The following TBX22 variants were observed in gnomAD, a reference collection of about 807,000 sequenced individuals.
TBX22 encodes the protein T-box transcription factor TBX22.
In TBX22, 8 loss-of-function variants were observed where a neutral mutation model predicts 30.1. The observed-to-expected ratio is 0.27, with a 90% CI of 0.16 to 0.48. The LOEUF is 0.48. Among genes scored for constraint, TBX22 ranks in the 20% least tolerant of loss-of-function variants. TBX22 has a pLI of 0.99. For missense variants in TBX22, 463 were observed against 400.5 expected (o/e 1.16, Z -1.33); for synonymous variants, 173 against 149.1 (o/e 1.16, Z -1.17).
At chrX:80,027,361 G>A (rs779335917) in intron 7 of TBX22, 41 bp downstream of exon 7, 1 of 654,728 alleles carries the variant, frequency 1.5e-6, no homozygotes, top group East Asian at 3.4e-5. Context: ...GATGTAGCTA[G>A]CTATTTTCAC....
chrX:80,028,753 T>TA (rs1331187197), intron 8 of TBX22, among the ~76,000 whole-genome samples: 1 of 111,906 alleles, frequency 8.9e-6, no homozygotes, highest in Non-Finnish European at 1.9e-5. Context: ...GGATTTTTTT[T>TA]ATCCCTTTGT....
chrX:80,024,258 T>G, intron 4 of TBX22, 94 bp downstream of exon 4: 3 of 749,600 alleles, frequency 4.0e-6, no homozygotes, highest in East Asian at 7.2e-5. Context: ...CTTTGAAAAC[T>G]CTAGCATGGG....
intron 1 of TBX22, among the ~76,000 whole-genome samples, chrX:80,019,387 C>T (rs1923583341): frequency 9.0e-6 from 1 of 111,222 alleles, no homozygotes; most frequent in African/African-American, 3.3e-5. Flanking sequence ...ATATCTTAAT[C>T]ATGGGGAGTG....
Position 80,030,864 on chromosome X carries a change from C to T in TBX22, c.1316C>T (p.Ser439Phe). The change falls in exon 9 of 9, where the codon TCT (serine) becomes TTT (phenylalanine). Residue 439 changes from serine (S) to phenylalanine (F), a missense_variant. Physicochemically the swap from Ser to Phe is radical, Grantham distance 155. Transcript: ENST00000373296. ...SSDQYLQAPN[S>F]TNQMLYGLQS... Reference sequence around the variant, plus strand: ...GATCAGTATCTACAAGCACCTAATTCTACCAATCAAATGTTATATGGATTA... The same window carrying T: ...GATCAGTATCTACAAGCACCTAATTTTACCAATCAAATGTTATATGGATTA... 3 of 1,211,964 alleles carry T rather than the reference C, an allele frequency of 2.5e-6. No homozygotes were observed. The highest frequency in any genetic ancestry group is 3.4e-6 in the Non-Finnish European group (3 of 895,477).
chrX:80,030,894 C>A lies in TBX22; in HGVS notation c.1346C>A (p.Ser449Ter). The change falls in exon 9 of 9, where the codon TCA becomes TAA. Residue 449 changes from serine to a stop codon, truncating the protein, a stop_gained. Transcript: ENST00000373296. LOFTEE classifies it high-confidence loss of function. ...STNQMLYGLQ[S>*]PGNIFLPNSI... ...AATCAAATGTTATATGGATTACAGTCACCTGGAAATATTTTTCTGCCAAAC... is the reference window on the plus strand; with the variant it reads ...AATCAAATGTTATATGGATTACAGTAACCTGGAAATATTTTTCTGCCAAAC... 1 of 1,211,655 alleles carries A rather than the reference C, an allele frequency of 8.3e-7. No homozygotes were observed. Among genetic ancestry groups the A allele is most frequent in the Non-Finnish European group, 1.1e-6 (1 of 895,215 alleles).
intron 4 of TBX22, among the ~76,000 whole-genome samples, chrX:80,025,020 G>A (rs1923905823): frequency 8.9e-6 from 1 of 112,020 alleles, no homozygotes; most frequent in Non-Finnish European, 1.9e-5. Flanking sequence ...CTGCTCAGAG[G>A]ACTGCTGGGG....
chrX:80,017,652 C>A (rs915038661), intron 1 of TBX22, among the ~76,000 whole-genome samples: 2 of 111,583 alleles, frequency 1.8e-5, no homozygotes, highest in African/African-American at 6.5e-5. Flanking sequence ...AAGGTTTTTT[C>A]TTTTTCGTTT....
At chrX:80,021,894 G>C (rs1923710603) in intron 1 of TBX22, among the ~76,000 whole-genome samples, 1 of 112,113 alleles carries the variant, frequency 8.9e-6, no homozygotes, top group African/African-American at 3.2e-5. Flanking sequence ...TCAGGGATTT[G>C]AGGACTAATG....
intron 1 of TBX22, among the ~76,000 whole-genome samples, chrX:80,020,013 A>T (rs1366826999): frequency 9.0e-6 from 1 of 111,498 alleles, no homozygotes; most frequent in African/African-American, 3.3e-5. Flanking sequence ...ACATTGCAAC[A>T]AACATCTTTT....
intron 2 of TBX22, 46 bp downstream of exon 2, chrX:80,022,490 T>A: frequency 7.1e-6 from 8 of 1,124,800 alleles, no homozygotes; most frequent in Non-Finnish European, 9.6e-6. Context: ...GCTTACTGGT[T>A]CCGCATCTCT....
intron 3 of TBX22, among the ~76,000 whole-genome samples, chrX:80,023,839 T>C (rs780396208): frequency 8.9e-6 from 1 of 112,052 alleles, no homozygotes; most frequent in East Asian, 2.8e-4. Context: ...CAAAGCCTTG[T>C]GGTAATAATA....
chrX:80,019,231 C>T (rs1923575622), intron 1 of TBX22, among the ~76,000 whole-genome samples: 2 of 110,341 alleles, frequency 1.8e-5, no homozygotes, highest in Non-Finnish European at 3.8e-5. Context: ...TGTGGGGAAG[C>T]TGATTACATT....
At chrX:80,020,474 A>T (rs1923642020) in intron 1 of TBX22, among the ~76,000 whole-genome samples, 1 of 111,972 alleles carries the variant, frequency 8.9e-6, no homozygotes, top group East Asian at 2.8e-4. Context: ...CCTTACACGA[A>T]ATTGGCCTTA....
rs759090332 is a variant in TBX22, at chrX:80,031,069, T to G, written c.1521T>G (p.Cys507Trp). 1 of 1,209,744 alleles carries G rather than the reference T, an allele frequency of 8.3e-7. No individual in the cohort carries two copies. Among genetic ancestry groups the G allele is most frequent in the East Asian group, 3.0e-5 (1 of 33,785 alleles). ...DSQVSFGEGK[C>W]NHVHWYPAIN... ...AAGTTTCTTTTGGAGAAGGCAAATGTAATCATGTTCATTGGTATCCAGCAA... is the reference window on the plus strand; with the variant it reads ...AAGTTTCTTTTGGAGAAGGCAAATGGAATCATGTTCATTGGTATCCAGCAA... The change falls in exon 9 of 9, where the codon TGT (cysteine) becomes TGG (tryptophan). Residue 507 changes from cysteine (C) to tryptophan (W), a missense_variant. Coordinates refer to ENST00000373296, the MANE Select transcript of TBX22 (RefSeq NM_001109878.2).
At chrX:80,022,635 G>C in intron 2 of TBX22, 191 bp downstream of exon 2, 1 of 480,879 alleles carries the variant, frequency 2.1e-6, no homozygotes, top group Middle Eastern at 5.7e-4. Flanking sequence ...CGGTAAAGGG[G>C]AGGGTCCCTA....
chrX:80,022,503 G>A, intron 2 of TBX22, 59 bp downstream of exon 2: 1 of 1,110,075 alleles, frequency 9.0e-7, no homozygotes, highest in Non-Finnish European at 1.2e-6. Context: ...GCATCTCTCC[G>A]CCTGGCTCGC....
intron 3 of TBX22, 141 bp from the exon 4 acceptor site, chrX:80,023,922 T>C: frequency 3.7e-6 from 2 of 539,674 alleles, no homozygotes; most frequent in Non-Finnish European, 6.4e-6. Context: ...ATGTAGCAAA[T>C]GCTATTCCTT....
chrX:80,030,920 TC>T lies in TBX22; in HGVS notation c.1374del (p.Ile459SerfsTer27). ...ACCTGGAAATATTTTTCTGCCAAAC[TC>T]CATCACCCCAGAAGCACTTAGTTGC... ...QSPGNIFLPN[S>X]ITPEALSCSF... On this transcript the variant is annotated frameshift_variant, in exon 9 of 9. Transcript: ENST00000373296. LOFTEE classifies it high-confidence loss of function. The T allele has an allele frequency of 8.3e-7, 1 of 1,211,311 alleles. No homozygotes were observed. Among genetic ancestry groups the T allele is most frequent in the Non-Finnish European group, 1.1e-6 (1 of 894,790 alleles).
intron 4 of TBX22, 125 bp downstream of exon 4, chrX:80,024,289 T>C: frequency 1.7e-6 from 1 of 597,527 alleles, no homozygotes; most frequent in Non-Finnish European, 2.8e-6. Context: ...GGGGGATTGC[T>C]CTCCTGTGGG....
Sources: gnomAD v4.1 joint callset for allele counts (sites outside exome capture counted in the v4.1 genomes callset) on GRCh38, gnomAD v4.1.1 for gene constraint, MANE v1.5 for transcripts, NCBI Gene and HGNC (gene_info 2026-07-23, HGNC 2026-07-21) for gene names.